TRABD2B: variants seen among roughly 807,000 people sequenced by gnomAD.
TRABD2B encodes the protein TraB domain containing 2B.
TRABD2B carries 14 observed loss-of-function variants against 40.1 expected under a neutral mutation model. That is an observed-to-expected ratio of 0.35 (90% CI 0.23 to 0.55). The LOEUF is 0.55. Ranked by LOEUF, TRABD2B falls within the 20% of genes least tolerant of loss-of-function variation. TRABD2B has a pLI of 0.90. For missense variants in TRABD2B, 541 were observed against 648.6 expected (o/e 0.83, Z 1.80); for synonymous variants, 263 against 277.0 (o/e 0.95, Z 0.50).
chr1:47,964,068 C>T (rs1048360362), intron 2 of TRABD2B, among the ~76,000 whole-genome samples: 2 of 152,188 alleles, frequency 1.3e-5, no homozygotes, highest in Non-Finnish European at 2.9e-5. Context: ...TTTCCCCCTA[C>T]ATTCCCCCTG....
chr1:47,914,133 G>A (rs1342066763), intron 2 of TRABD2B, among the ~76,000 whole-genome samples: 1 of 152,214 alleles, frequency 6.6e-6, no homozygotes, highest in Non-Finnish European at 1.5e-5. Flanking sequence ...ACTGGAAATG[G>A]GGGCAAATTA....
At chr1:47,811,195 A>T (rs1001727063) in intron 2 of TRABD2B, among the ~76,000 whole-genome samples, 2 of 152,012 alleles carry the variant, frequency 1.3e-5, no homozygotes, top group Non-Finnish European at 2.9e-5. Flanking sequence ...GAATCTAGGG[A>T]GGCAGGGGTG....
intron 4 of TRABD2B, among the ~76,000 whole-genome samples, chr1:47,791,228 C>T (rs964158304): frequency 6.6e-6 from 1 of 152,192 alleles, no homozygotes; most frequent in Admixed American, 6.5e-5. Flanking sequence ...ATGCTTGGCC[C>T]CATCCAGACT....
chr1:47,843,505 A>G (rs1478193089), intron 2 of TRABD2B, among the ~76,000 whole-genome samples: 1 of 152,156 alleles, frequency 6.6e-6, no homozygotes, highest in Admixed American at 6.5e-5. Flanking sequence ...AGTTTGGTTT[A>G]GGGTATGTGC....
At chr1:47,787,613 C>A (rs1332460890) in intron 4 of TRABD2B, among the ~76,000 whole-genome samples, 2 of 152,158 alleles carry the variant, frequency 1.3e-5, no homozygotes, top group African/African-American at 4.8e-5. Flanking sequence ...TAGGTCTTTT[C>A]ACCTGTCAAT....
chr1:47,996,899 G>A lies in TRABD2B; in HGVS notation c.-110C>T. 8.9e-7 allele frequency: 1 copy of A among 1,126,736 alleles called. No homozygotes were observed. The highest frequency in any genetic ancestry group is 1.1e-6 in the Non-Finnish European group (1 of 921,552). The allele number at this position is 1,126,736 out of a possible 1,614,324, so 69.8% of individuals were successfully genotyped here. ...TCCTCTGGAGCACGGGGCTCCAGCC[G>A]CAGGATGCTGGGCGCCCTCTGGGGC... On this transcript the variant is annotated 5_prime_UTR_variant, in exon 1 of 7. Coordinates refer to ENST00000606738, the MANE Select transcript of TRABD2B (RefSeq NM_001194986.2). This position sits in a 1 kb window ranked among gnomAD's most constrained non-coding sequence, Gnocchi z 4.6.
chr1:47,806,711 G>T (rs981642548), intron 2 of TRABD2B, among the ~76,000 whole-genome samples: 9 of 152,226 alleles, frequency 5.9e-5, no homozygotes, highest in Admixed American at 5.2e-4. Context: ...GAACTAGGAA[G>T]GAGTGAGGCA....
chr1:47,935,896 A>C (rs1341167046), intron 2 of TRABD2B, among the ~76,000 whole-genome samples: 1 of 152,254 alleles, frequency 6.6e-6, no homozygotes, highest in Non-Finnish European at 1.5e-5. Context: ...CTTTAGAGGA[A>C]GGCAGACTCA....
chr1:47,976,226 T>A lies in TRABD2B; in HGVS notation c.666+17808A>T, dbSNP rs549870014. On this transcript the variant is annotated intron_variant, in intron 2 of 6. Coordinates refer to ENST00000606738, the MANE Select transcript of TRABD2B (RefSeq NM_001194986.2). ...TCTGGTGAGTGAATAAAACAGAGAA[T>A]TAATCAGTGAATTATAATCTAAGAA... is the stretch of plus-strand genomic sequence containing the variant. Among the ~76,000 whole-genome samples the A allele has an allele frequency of 3.9e-5, 6 of 152,286 alleles. No homozygotes were observed. In the South Asian group the frequency reaches 1.2e-3, roughly 32 times the overall value.
At chr1:47,790,770 T>A (rs1644660278) in intron 4 of TRABD2B, among the ~76,000 whole-genome samples, 1 of 152,238 alleles carries the variant, frequency 6.6e-6, no homozygotes, top group Non-Finnish European at 1.5e-5. Context: ...CATCTCGTGG[T>A]GTTACGTAAT....
chr1:47,788,236 G>A (rs763778751), intron 4 of TRABD2B, among the ~76,000 whole-genome samples: 3 of 152,152 alleles, frequency 2.0e-5, no homozygotes, highest in Non-Finnish European at 4.4e-5. Flanking sequence ...AATTTCTAAC[G>A]TTATGAATTT....
intron 2 of TRABD2B, among the ~76,000 whole-genome samples, chr1:47,990,965 T>C (rs933922905): frequency 6.6e-6 from 1 of 150,906 alleles, no homozygotes; most frequent in Non-Finnish European, 1.5e-5. Flanking sequence ...ACCAGCCTCA[T>C]AGCCGAAGGA....
At chr1:47,895,777 C>G (rs1206115928) in intron 2 of TRABD2B, among the ~76,000 whole-genome samples, 1 of 152,216 alleles carries the variant, frequency 6.6e-6, no homozygotes, top group Non-Finnish European at 1.5e-5. Context: ...GCCCATAGGG[C>G]AGAGATTTCC....
intron 4 of TRABD2B, among the ~76,000 whole-genome samples, chr1:47,787,590 G>A (rs756731557): frequency 2.9e-4 from 44 of 152,108 alleles, no homozygotes; most frequent in Non-Finnish European, 5.3e-4. Context: ...CAGTACCTGG[G>A]ACTCTCTTTC....
At chr1:47,936,627 G>A (rs942740193) in intron 2 of TRABD2B, among the ~76,000 whole-genome samples, 21 of 152,112 alleles carry the variant, frequency 1.4e-4, no homozygotes, top group South Asian at 8.3e-4. Context: ...ACTATATTTC[G>A]GATTTTGGAG....
intron 2 of TRABD2B, among the ~76,000 whole-genome samples, chr1:47,815,830 T>C (rs145379976): frequency 1.2e-5 from 1 of 80,370 alleles, no homozygotes; most frequent in Admixed American, 1.1e-4. Flanking sequence ...GATAGATAGA[T>C]AGATAGATAG....
intron 2 of TRABD2B, among the ~76,000 whole-genome samples, chr1:47,975,575 A>G (rs1460890993): frequency 6.6e-6 from 1 of 152,206 alleles, no homozygotes; most frequent in Non-Finnish European, 1.5e-5. Context: ...AATGACAAAA[A>G]TAACAAATCT....
intron 2 of TRABD2B, among the ~76,000 whole-genome samples, chr1:47,985,912 G>A (rs1204089433): frequency 6.6e-6 from 1 of 152,174 alleles, no homozygotes; most frequent in Non-Finnish European, 1.5e-5. Context: ...ATAAAAACTG[G>A]GAAGGGGCTC....
At chr1:47,899,006 T>C (rs1224725087) in intron 2 of TRABD2B, among the ~76,000 whole-genome samples, 1 of 152,226 alleles carries the variant, frequency 6.6e-6, no homozygotes, top group Admixed American at 6.5e-5. Flanking sequence ...ATGTATCCTT[T>C]TGCTGTTGGA....
Sources: allele counts gnomAD v4.1 joint callset (sites outside exome capture counted in the v4.1 genomes callset), GRCh38; gene constraint gnomAD v4.1.1; non-coding constraint Gnocchi (gnomAD v3.1); transcripts MANE v1.5; gene names NCBI Gene and HGNC (gene_info 2026-07-23, HGNC 2026-07-21).